Variants in MLIP observed in about 807,000 individuals in gnomAD.
The protein encoded by MLIP is muscular LMNA interacting protein.
MLIP carries 79 observed loss-of-function variants against 84.8 expected under a neutral mutation model. The ratio of observed to expected loss-of-function variants is 0.93; its 90% CI spans 0.78 to 1.12. The LOEUF is 1.12. MLIP is among the 50% of genes most tolerant of loss of function. MLIP has a pLI of 0.00. For missense variants in MLIP, 1,257 were observed against 1,160.6 expected (o/e 1.08, Z -1.21); for synonymous variants, 504 against 463.0 (o/e 1.09, Z -1.14).
At chr6:54,153,609 A>G (rs1366225371) in intron 5 of MLIP, among the ~76,000 whole-genome samples, 2 of 152,064 alleles carry the variant, frequency 1.3e-5, no homozygotes, top group African/African-American at 4.8e-5. Context: ...GCACTTTAGG[A>G]GGCCGAGGAG....
chr6:54,038,966 T>C (rs1764596839), intron 1 of MLIP, among the ~76,000 whole-genome samples: 1 of 151,920 alleles, frequency 6.6e-6, no homozygotes, highest in African/African-American at 2.4e-5. Context: ...AAAGACATCA[T>C]ATAATTTAAT....
chr6:54,235,296 T>C (rs1781289553), intron 12 of MLIP, among the ~76,000 whole-genome samples: 1 of 152,208 alleles, frequency 6.6e-6, no homozygotes, highest in Admixed American at 6.5e-5. Context: ...CTGTTCTACT[T>C]GTTCATGCAT....
At chr6:54,193,598 A>C (rs1406410374) in intron 10 of MLIP, among the ~76,000 whole-genome samples, 1 of 152,160 alleles carries the variant, frequency 6.6e-6, no homozygotes, top group Non-Finnish European at 1.5e-5. Context: ...GTTTGGAAAC[A>C]GGGCCTCACT....
intron 1 of MLIP, among the ~76,000 whole-genome samples, chr6:54,038,791 T>C (rs1035582264): frequency 6.6e-6 from 1 of 151,980 alleles, no homozygotes; most frequent in African/African-American, 2.4e-5. Context: ...TTGTTTCTTT[T>C]TGGAATCTAA....
At chr6:54,202,084 A>G (rs1219398582) in intron 10 of MLIP, 21 bp from the exon 11 acceptor site, 2 of 1,479,068 alleles carry the variant, frequency 1.4e-6, no homozygotes, top group South Asian at 3.1e-5. Flanking sequence ...TTTTTAAAAT[A>G]TTTATTTTAC....
intron 12 of MLIP, among the ~76,000 whole-genome samples, chr6:54,243,516 A>T (rs1162334881): frequency 1.3e-5 from 2 of 152,232 alleles, no homozygotes; most frequent in African/African-American, 4.8e-5. Context: ...CATATTTAGA[A>T]AAAGTAGACA....
chr6:54,265,906 AT>A (rs1259320949), intron 13 of MLIP, 43 bp from the exon 14 acceptor site: 1 of 1,583,694 alleles, frequency 6.3e-7, no homozygotes, highest in East Asian at 2.3e-5. Flanking sequence ...ATATTTTTAA[AT>A]TTATTCATCT....
At chr6:54,162,405 GGTTAA>G (rs1314850519) in intron 8 of MLIP, among the ~76,000 whole-genome samples, 1 of 151,994 alleles carries the variant, frequency 6.6e-6, no homozygotes, top group African/African-American at 2.4e-5. Context: ...TGAGAAACTG[GGTTAA>G]GCACTGTGAT....
chr6:54,215,474 G>T, intron 11 of MLIP: 2 of 1,065,276 alleles, frequency 1.9e-6, no homozygotes, highest in Non-Finnish European at 2.4e-6. Flanking sequence ...CATCTTTATT[G>T]CAGTATAATT....
Position 54,245,601 on chromosome 6 carries a change from T to A in MLIP, c.2923-11707T>A, listed in dbSNP as rs138427072. On this transcript the variant is annotated intron_variant, in intron 12 of 13. Transcript: ENST00000502396. ...AAGCATTTTATCTTTGCAAATTGAG[T>A]TTTTAAAATATATATTTTGTCTACC... 8.4e-3 allele frequency among the ~76,000 whole-genome samples: 1,281 copies of A among 152,244 alleles called. 25 individuals carry two copies. The highest frequency in any genetic ancestry group is 0.028 in the African/African-American group (1,153 of 41,536).
chr6:54,212,811 A>G (rs1283257528), intron 11 of MLIP, among the ~76,000 whole-genome samples: 2 of 152,250 alleles, frequency 1.3e-5, no homozygotes, highest in African/African-American at 4.8e-5. Context: ...TATGCAAAAG[A>G]TGATTAAATA....
chr6:54,236,175 C>T (rs886346468), intron 12 of MLIP, among the ~76,000 whole-genome samples: 2 of 152,212 alleles, frequency 1.3e-5, no homozygotes, highest in Admixed American at 1.3e-4. Flanking sequence ...CCCAAATCAG[C>T]ACTCATTGTG....
intron 10 of MLIP, among the ~76,000 whole-genome samples, chr6:54,191,009 A>C (rs1219800595): frequency 1.3e-5 from 2 of 151,634 alleles, no homozygotes; most frequent in Non-Finnish European, 2.9e-5. Flanking sequence ...TTAAGCCAGG[A>C]TGGTCTCGAT....
chr6:54,260,421 T>C (rs972419131), intron 13 of MLIP, among the ~76,000 whole-genome samples: 2 of 152,008 alleles, frequency 1.3e-5, no homozygotes, highest in African/African-American at 4.8e-5. Context: ...CCAGACAAAT[T>C]AATAAATCAA....
At chr6:54,116,741 C>G (rs890438333) in intron 1 of MLIP, among the ~76,000 whole-genome samples, 1 of 152,198 alleles carries the variant, frequency 6.6e-6, no homozygotes, top group Non-Finnish European at 1.5e-5. Context: ...CAACCTCATT[C>G]TATGAGACTT....
chr6:54,054,771 C>G (rs977659833), intron 1 of MLIP, among the ~76,000 whole-genome samples: 1 of 152,066 alleles, frequency 6.6e-6, no homozygotes, highest in African/African-American at 2.4e-5. Flanking sequence ...TTTTCTCTAA[C>G]GAGGTAATTG....
At chr6:54,163,390 T>C (rs182215925) in intron 8 of MLIP, among the ~76,000 whole-genome samples, 1 of 151,874 alleles carries the variant, frequency 6.6e-6, no homozygotes, top group East Asian at 1.9e-4. Context: ...TTAGGGTGAA[T>C]TTTTGCTATC....
chr6:54,161,697 A>T (rs767530507), intron 8 of MLIP, among the ~76,000 whole-genome samples: 2 of 151,928 alleles, frequency 1.3e-5, no homozygotes, highest in Non-Finnish European at 2.9e-5. Context: ...CTAATTTTCA[A>T]TTGGAATATT....
chr6:54,254,113 A>G (rs1056844937), intron 12 of MLIP, among the ~76,000 whole-genome samples: 7 of 144,736 alleles, frequency 4.8e-5, no homozygotes, highest in African/African-American at 1.6e-4. Context: ...ACCTACGTAG[A>G]ACTTGTTTTT....
Sources: gnomAD v4.1 joint callset for allele counts (sites outside exome capture counted in the v4.1 genomes callset) on GRCh38, gnomAD v4.1.1 for gene constraint, MANE v1.5 for transcripts, NCBI Gene and HGNC (gene_info 2026-07-23, HGNC 2026-07-21) for gene names.